Variants in ACTR3 observed in about 807,000 individuals in gnomAD.
The protein encoded by ACTR3 is actin related protein 3, also known as actin-related protein 3.
ACTR3 carries 12 observed loss-of-function variants against 56.8 expected under a neutral mutation model. The ratio of observed to expected loss-of-function variants is 0.21; its 90% CI spans 0.14 to 0.34. The LOEUF (loss-of-function observed/expected upper bound fraction) is 0.34, where lower values mean the gene tolerates loss of function less well. ACTR3 is among the 10% of genes least tolerant of loss of function. The probability of loss-of-function intolerance (pLI) is 1.00; values close to 1 mark genes in which losing one functional copy is unlikely to be tolerated. For synonymous variants in ACTR3, 162 were observed against 167.4 expected (o/e 0.97, Z 0.25); for missense variants, 282 against 512.5 (o/e 0.55, Z 4.34).
At chr2:113,897,458 A>C (rs907949921) in intron 1 of ACTR3, among the ~76,000 whole-genome samples, 1 of 151,432 alleles carries the variant, frequency 6.6e-6, no homozygotes, top group Non-Finnish European at 1.5e-5. Flanking sequence ...AACTCAAGCC[A>C]TTCTTACATA....
chr2:113,891,172 G>C (rs1678887178), intron 1 of ACTR3, among the ~76,000 whole-genome samples: 1 of 152,050 alleles, frequency 6.6e-6, no homozygotes, highest in East Asian at 1.9e-4. Flanking sequence ...ACCGGTGCTT[G>C]GTGTCCATTT....
intron 1 of ACTR3, among the ~76,000 whole-genome samples, chr2:113,910,573 A>G (rs1041158883): frequency 6.6e-5 from 10 of 152,212 alleles, no homozygotes; most frequent in South Asian, 4.2e-4. Flanking sequence ...TGAGCCTTCA[A>G]CCTGTGGATT....
intron 3 of ACTR3, among the ~76,000 whole-genome samples, chr2:113,921,408 G>T (rs553894665): frequency 1.4e-5 from 2 of 147,970 alleles, no homozygotes; most frequent in African/African-American, 5.0e-5. Flanking sequence ...CGGGCATTTT[G>T]ACCCATTCCA....
chr2:113,890,774 T>G (rs973070752), intron 1 of ACTR3: 3 of 1,015,204 alleles, frequency 3.0e-6, no homozygotes, highest in Non-Finnish European at 3.5e-6. Context: ...AGAGAAGCGC[T>G]CCTGGTAGGT....
chr2:113,953,211 A>G lies in ACTR3; in HGVS notation c.1077+1366A>G, dbSNP rs1340774828. 3 of 152,226 alleles carry G rather than the reference A, an allele frequency of 2.0e-5. No homozygotes were observed. In the South Asian group the frequency reaches 6.2e-4, roughly 31 times the overall value. 9.4% of individuals were successfully genotyped at this position (152,226 alleles called of 1,614,324 possible). A position where few individuals can be genotyped will look rare whatever the true frequency, so the allele number is the denominator to read the frequency against. On this transcript the variant is annotated intron_variant, in intron 10 of 11. Transcript: ENST00000263238. ...TGTTTAACATTTTTAAGCTCTTTTT[A>G]CACTTGTAAATAAGAAATAAATTTA... is the stretch of plus-strand genomic sequence containing the variant.
chr2:113,903,364 C>T (rs532796767), intron 1 of ACTR3, among the ~76,000 whole-genome samples: 1 of 152,098 alleles, frequency 6.6e-6, no homozygotes, highest in African/African-American at 2.4e-5. Context: ...AGCTACTATT[C>T]CTTTTTATTT....
At chr2:113,905,533 T>C (rs1201267693) in intron 1 of ACTR3, among the ~76,000 whole-genome samples, 1 of 152,112 alleles carries the variant, frequency 6.6e-6, no homozygotes, top group Non-Finnish European at 1.5e-5. Flanking sequence ...TATTTCTAAG[T>C]GTGCAGTTTA....
intron 4 of ACTR3, among the ~76,000 whole-genome samples, chr2:113,930,438 A>C (rs1196585210): frequency 1.3e-5 from 2 of 152,144 alleles, no homozygotes; most frequent in Admixed American, 6.5e-5. Context: ...TGTACTTCAG[A>C]AATTTAAGGA....
chr2:113,931,696 T>C (rs1373424119), intron 5 of ACTR3, among the ~76,000 whole-genome samples: 1 of 152,114 alleles, frequency 6.6e-6, no homozygotes, highest in Non-Finnish European at 1.5e-5. Context: ...ACAAGAACAT[T>C]GTATATATAT....
chr2:113,901,880 T>C (rs1679106756), intron 1 of ACTR3, among the ~76,000 whole-genome samples: 1 of 152,178 alleles, frequency 6.6e-6, no homozygotes, highest in Non-Finnish European at 1.5e-5. Flanking sequence ...GTACATGTTT[T>C]AATGTACAAG....
At chr2:113,948,810 A>G (rs1205491381) in intron 8 of ACTR3, among the ~76,000 whole-genome samples, 1 of 151,814 alleles carries the variant, frequency 6.6e-6, no homozygotes, top group Non-Finnish European at 1.5e-5. Flanking sequence ...GGGTTTATTC[A>G]TCAGTTTAAT....
intron 6 of ACTR3, among the ~76,000 whole-genome samples, chr2:113,935,628 T>G (rs975819748): frequency 6.6e-6 from 1 of 152,248 alleles, no homozygotes; most frequent in African/African-American, 2.4e-5. Context: ...GCTTGGAAAT[T>G]AGGACGTGTC....
chr2:113,926,178 T>C (rs1162556584), intron 3 of ACTR3, among the ~76,000 whole-genome samples: 1 of 152,260 alleles, frequency 6.6e-6, no homozygotes, highest in Non-Finnish European at 1.5e-5. Flanking sequence ...TCTTGTTTTA[T>C]ATCGATGTTA....
At chr2:113,897,243 G>T (rs1679023513) in intron 1 of ACTR3, among the ~76,000 whole-genome samples, 1 of 152,114 alleles carries the variant, frequency 6.6e-6, no homozygotes, top group Non-Finnish European at 1.5e-5. Flanking sequence ...CTTTGAAATA[G>T]GATAGTGACT....
intron 2 of ACTR3, among the ~76,000 whole-genome samples, chr2:113,915,031 C>T (rs961085369): frequency 9.9e-5 from 15 of 152,130 alleles, no homozygotes; most frequent in Non-Finnish European, 1.5e-5. Context: ...TTCGGTGATA[C>T]ATGTTGGCTT....
At chr2:113,951,692 AATATT>A in intron 9 of ACTR3, 23 bp from the exon 10 acceptor site, 2 of 1,518,060 alleles carry the variant, frequency 1.3e-6, no homozygotes, top group South Asian at 1.3e-5. Context: ...TCTCTTTTTA[AATATT>A]ATATTTATTT....
intron 8 of ACTR3, among the ~76,000 whole-genome samples, chr2:113,946,434 G>A (rs1680021761): frequency 6.6e-6 from 1 of 151,700 alleles, no homozygotes; most frequent in African/African-American, 2.4e-5. Context: ...TCTCATTGTG[G>A]GTTTGATTTA....
intron 6 of ACTR3, among the ~76,000 whole-genome samples, chr2:113,937,833 T>A (rs1169219551): frequency 6.6e-6 from 1 of 152,178 alleles, no homozygotes; most frequent in East Asian, 1.9e-4. Context: ...GTTTTCTTTA[T>A]GTCTCTTCTC....
intron 1 of ACTR3, among the ~76,000 whole-genome samples, chr2:113,902,659 ACGTGAT>A (rs2104584409): frequency 6.6e-6 from 1 of 151,580 alleles, no homozygotes; most frequent in South Asian, 2.1e-4. Flanking sequence ...GAGTGCAGTG[ACGTGAT>A]CTTGGCTCCC....
Sources: gnomAD v4.1 joint callset for allele counts (sites outside exome capture counted in the v4.1 genomes callset) on GRCh38, gnomAD v4.1.1 for gene constraint, MANE v1.5 for transcripts, NCBI Gene and HGNC (gene_info 2026-07-23, HGNC 2026-07-21) for gene names.